SH3BGR: variants seen among roughly 807,000 people sequenced by gnomAD.
SH3BGR encodes SH3 domain binding glutamate rich protein.
Under a neutral mutation model 24.5 loss-of-function variants are expected in SH3BGR, and 29 were observed. The observed-to-expected ratio is 1.18, with a 90% CI of 0.88 to 1.61. The LOEUF is 1.61. Among genes scored for constraint, SH3BGR ranks in the 40% most tolerant of loss-of-function variants. The pLI, the probability that SH3BGR is intolerant of heterozygous loss-of-function variation, is 0.00. For synonymous variants in SH3BGR, 55 were observed against 65.7 expected (o/e 0.84, Z 0.79); for missense variants, 162 against 205.8 (o/e 0.79, Z 1.30).
chr21:39,451,770 C>G, upstream of SH3BGR: 3 of 1,093,116 alleles, frequency 2.7e-6, no homozygotes, highest in Non-Finnish European at 4.0e-6. Context: ...GTGCACAGCA[C>G]AGCCTGGCCT....
intron 4 of SH3BGR, among the ~76,000 whole-genome samples, chr21:39,503,211 G>A (rs1014995432): frequency 2.0e-5 from 3 of 152,170 alleles, no homozygotes; most frequent in Admixed American, 6.5e-5. Context: ...CACTTATTAT[G>A]AGAAGGAATA....
chr21:39,472,905 ACT>A (rs1180425568), intron 2 of SH3BGR, among the ~76,000 whole-genome samples: 3 of 151,660 alleles, frequency 2.0e-5, no homozygotes, highest in Non-Finnish European at 4.4e-5. Flanking sequence ...TGTGTCAGAA[ACT>A]CTCAGCATGA....
upstream of SH3BGR, among the ~76,000 whole-genome samples, chr21:39,447,938 G>A (rs1180913727): frequency 6.6e-6 from 1 of 152,180 alleles, no homozygotes; most frequent in African/African-American, 2.4e-5. Flanking sequence ...CATTTCTGGA[G>A]GTCAGAAGTA....
In SH3BGR at chr21:39,515,140, A is replaced by C. The variant is rs186314445; in HGVS notation, c.*87A>C. 8.5e-6 allele frequency: 4 copies of C among 470,638 alleles called. No individual in the cohort carries two copies. In the East Asian group the frequency reaches 2.1e-4, roughly 25 times the overall value. 29.2% of individuals were successfully genotyped at this position (470,638 alleles called of 1,614,324 possible). A position where few individuals can be genotyped will look rare whatever the true frequency, so the allele number is the denominator to read the frequency against. On this transcript the variant is annotated 3_prime_UTR_variant, in exon 7 of 7. Transcript: ENST00000333634. ...AAATGTCTCTCCACAAACCAAACTC[A>C]ACAGAATACTTTGGCTTGAAGCCGG...
At chr21:39,460,717 C>G (rs2077741168) in intron 1 of SH3BGR, among the ~76,000 whole-genome samples, 1 of 152,130 alleles carries the variant, frequency 6.6e-6, no homozygotes, top group East Asian at 1.9e-4. Context: ...ATCCACCCAC[C>G]TTGGCCTCCC....
intron 2 of SH3BGR, among the ~76,000 whole-genome samples, chr21:39,469,395 T>G (rs773191794): frequency 2.6e-5 from 4 of 151,672 alleles, no homozygotes; most frequent in Non-Finnish European, 5.9e-5. Flanking sequence ...TTCTTTCTGA[T>G]CTCTCTATAC....
intron 3 of SH3BGR, among the ~76,000 whole-genome samples, chr21:39,485,987 C>T (rs926254105): frequency 1.1e-4 from 17 of 152,168 alleles, no homozygotes; most frequent in African/African-American, 2.9e-4. Flanking sequence ...CACGCCCGGC[C>T]GGTCTCAAAG....
At position 39,470,769 on chromosome 21, in the gene SH3BGR, T is replaced by C. The variant is rs190819722; in HGVS notation, c.232-4366T>C. Among the ~76,000 whole-genome samples the C allele has an allele frequency of 3.6e-4, 55 of 152,350 alleles. 1 individual carries two copies. The East Asian group carries it at 6.5e-3, about 18-fold the overall frequency. On this transcript the variant is annotated intron_variant, in intron 2 of 6. Coordinates refer to ENST00000333634, the MANE Select transcript of SH3BGR (RefSeq NM_007341.3). ...TTATCTTTACTTCTTGAATCTGAGA[T>C]ATTCCATCTGGAATTATTTTCTTCT...
intron 1 of SH3BGR, 69 bp from the exon 2 acceptor site, chr21:39,462,306 A>G (rs1602081541): frequency 8.7e-7 from 1 of 1,143,200 alleles, no homozygotes; most frequent in South Asian, 1.4e-5. Flanking sequence ...TAGAGGAAGG[A>G]TTTAATTTTT....
rs188349728 is a variant in SH3BGR at position 39,483,329 on chromosome 21, A to G, written c.312+8114A>G. ...AAAATAAATGGTTGGAAGTTGATCA[A>G]CATAGATATTGCCATTTTTCTTTCT... On this transcript the variant is annotated intron_variant, in intron 3 of 6. Coordinates refer to ENST00000333634, the MANE Select transcript of SH3BGR (RefSeq NM_007341.3). 1.4e-3 allele frequency among the ~76,000 whole-genome samples: 217 copies of G among 152,360 alleles called. 1 individual carries two copies. Among genetic ancestry groups the G allele is most frequent in the African/African-American group, 5.1e-3 (211 of 41,588 alleles).
chr21:39,464,845 G>A (rs2077814570), intron 2 of SH3BGR, among the ~76,000 whole-genome samples: 1 of 151,844 alleles, frequency 6.6e-6, no homozygotes, highest in African/African-American at 2.4e-5. Flanking sequence ...TTTTTAGGGG[G>A]GATGGTGGTG....
At position 39,506,785 on chromosome 21, in the gene SH3BGR, A is replaced by G. The variant is rs565225842; in HGVS notation, c.406-2213A>G. Among the ~76,000 whole-genome samples, 8 of 152,278 alleles carry G rather than the reference A, an allele frequency of 5.3e-5. No homozygotes were observed. In the South Asian group the frequency reaches 1.7e-3, roughly 32 times the overall value. On this transcript the variant is annotated intron_variant, in intron 4 of 6. Coordinates refer to ENST00000333634, the MANE Select transcript of SH3BGR (RefSeq NM_007341.3). ...TACACAGCCAAACCATATCAGGAGG[A>G]TAGAGTATCTTGAGGAGATGGAAGT...
intron 1 of SH3BGR, among the ~76,000 whole-genome samples, chr21:39,458,398 G>T (rs939413938): frequency 6.6e-6 from 1 of 151,956 alleles, no homozygotes; most frequent in African/African-American, 2.4e-5. Context: ...GAGTACAGTG[G>T]TGCAATATTG....
At chr21:39,485,795 C>G (rs1019572630) in intron 3 of SH3BGR, among the ~76,000 whole-genome samples, 3 of 150,912 alleles carry the variant, frequency 2.0e-5, no homozygotes, top group Non-Finnish European at 4.4e-5. Flanking sequence ...TCACGCCATT[C>G]TCCTGCCTCA....
At position 39,515,230 on chromosome 21, in the gene SH3BGR, C is replaced by G; in HGVS notation, c.*177C>G. 2.5e-6 allele frequency: 1 copy of G among 402,526 alleles called. No individual in the cohort carries two copies. The highest frequency in any genetic ancestry group is 5.1e-6 in the Non-Finnish European group (1 of 194,358). The allele number at this position is 402,526 out of a possible 1,614,324, so 24.9% of individuals were successfully genotyped here. A position where few individuals can be genotyped will look rare whatever the true frequency, so the allele number is the denominator to read the frequency against. Reference sequence around the variant, plus strand: ...GTTAGATGTACATGGAGGTATCTCCCGAATCATACAAAATTAAATGTGAAG... The same window carrying G: ...GTTAGATGTACATGGAGGTATCTCCGGAATCATACAAAATTAAATGTGAAG... On this transcript the variant is annotated 3_prime_UTR_variant, in exon 7 of 7. Coordinates refer to ENST00000333634, the MANE Select transcript of SH3BGR (RefSeq NM_007341.3).
At chr21:39,494,295 C>G (rs1382530336) in intron 3 of SH3BGR, among the ~76,000 whole-genome samples, 1 of 149,414 alleles carries the variant, frequency 6.7e-6, no homozygotes, top group Non-Finnish European at 1.5e-5. Context: ...CTTACCCAGA[C>G]TTTTAAATTT....
At chr21:39,471,373 G>T (rs898289681) in intron 2 of SH3BGR, among the ~76,000 whole-genome samples, 8 of 152,026 alleles carry the variant, frequency 5.3e-5, no homozygotes, top group Non-Finnish European at 1.0e-4. Flanking sequence ...CTTGAGCCCA[G>T]GTGTTGGAGA....
Position 39,469,803 on chromosome 21 carries a change from C to T in SH3BGR, c.232-5332C>T, listed in dbSNP as rs148545185. Among the ~76,000 whole-genome samples, 812 of 151,880 alleles carry T rather than the reference C, an allele frequency of 5.3e-3. 5 individuals carry two copies. Among genetic ancestry groups the T allele is most frequent in the African/African-American group, 0.018 (760 of 41,438 alleles). ...CTTCCTGAGTAGCTGGGATTACAGG[C>T]GCCACCACGCCCGGTTAATTTTTTG... On this transcript the variant is annotated intron_variant, in intron 2 of 6. Coordinates refer to ENST00000333634, the MANE Select transcript of SH3BGR (RefSeq NM_007341.3).
At chr21:39,478,459 T>C (rs1216308995) in intron 3 of SH3BGR, among the ~76,000 whole-genome samples, 1 of 152,222 alleles carries the variant, frequency 6.6e-6, no homozygotes, top group African/African-American at 2.4e-5. Flanking sequence ...GATTTTAGGG[T>C]CCAATTTTTT....
Sources: gnomAD v4.1 joint callset for allele counts (sites outside exome capture counted in the v4.1 genomes callset) on GRCh38, gnomAD v4.1.1 for gene constraint, MANE v1.5 for transcripts, NCBI Gene and HGNC (gene_info 2026-07-23, HGNC 2026-07-21) for gene names.